Variants in CA5A observed in about 807,000 individuals in gnomAD.
CA5A encodes the protein carbonic anhydrase 5A, mitochondrial.
A neutral mutation model predicts 37.1 loss-of-function variants in CA5A; 28 were observed. The ratio of observed to expected loss-of-function variants is 0.75; its 90% CI spans 0.56 to 1.03. CA5A has a LOEUF of 1.03. Ranked by LOEUF, CA5A falls within the 50% of genes least tolerant of loss-of-function variation. The pLI is 0.00. For missense variants in CA5A, 444 were observed against 399.9 expected (o/e 1.11, Z -0.94); for synonymous variants, 171 against 158.4 (o/e 1.08, Z -0.60).
In CA5A at chr16:87,911,475, G is replaced by T. The variant is rs2056051815; in HGVS notation, c.341-6571C>A. On this transcript the variant is annotated intron_variant, in intron 2 of 6. Transcript: ENST00000649794. This position sits in a 1 kb window ranked among gnomAD's most constrained non-coding sequence, Gnocchi z 4.6. ...TTTTGGCAGGCACGGGTTGTTTGAA[G>T]GCTTAAAATTAGTACACGAGAAGTT... Among the ~76,000 whole-genome samples the T allele has an allele frequency of 6.6e-6, 1 of 152,176 alleles. No individual in the cohort carries two copies. Among genetic ancestry groups the T allele is most frequent in the African/African-American group, 2.4e-5 (1 of 41,444 alleles).
chr16:87,914,002 TTA>T (rs2056092411), intron 2 of CA5A, among the ~76,000 whole-genome samples: 1 of 152,214 alleles, frequency 6.6e-6, no homozygotes, highest in Non-Finnish European at 1.5e-5. Flanking sequence ...TTGACGTCGC[TTA>T]TTTCCCCGAT....
intron 5 of CA5A, among the ~76,000 whole-genome samples, chr16:87,899,631 C>T (rs1474267135): frequency 6.7e-6 from 1 of 150,016 alleles, no homozygotes; most frequent in African/African-American, 2.4e-5. Flanking sequence ...TCTCAAAGGT[C>T]TAACTCGGCC....
Position 87,901,691 on chromosome 16 carries a change from G to A in CA5A, c.618+221C>T, listed in dbSNP as rs1316074331. Among the ~76,000 whole-genome samples the A allele has an allele frequency of 2.6e-5, 4 of 151,518 alleles. No individual in the cohort carries two copies. In the East Asian group the frequency reaches 7.8e-4, roughly 29 times the overall value. On this transcript the variant is annotated intron_variant, in intron 5 of 6. Transcript: ENST00000649794. ...GCAACCTCCACCTCTGGGTTCAAAC[G>A]ATTCTCCTGCCTCAGCCTCCCGAGT...
intron 1 of CA5A, among the ~76,000 whole-genome samples, chr16:87,929,021 G>A (rs1183990427): frequency 3.3e-5 from 5 of 149,486 alleles, no homozygotes; most frequent in East Asian, 2.0e-4. Flanking sequence ...CACCCGCCTC[G>A]GCCTCCCAAA....
chr16:87,913,940 T>C (rs1411750743), intron 2 of CA5A, among the ~76,000 whole-genome samples: 2 of 152,194 alleles, frequency 1.3e-5, no homozygotes, highest in African/African-American at 2.4e-5. Context: ...GCGTAAGTGA[T>C]GTTCACCACA....
At chr16:87,909,320 G>C (rs1457552362) in intron 2 of CA5A, among the ~76,000 whole-genome samples, 3 of 152,164 alleles carry the variant, frequency 2.0e-5, no homozygotes, top group African/African-American at 7.2e-5. Context: ...CAAGGGACTT[G>C]CTTGAAACGG....
intron 5 of CA5A, among the ~76,000 whole-genome samples, chr16:87,897,299 C>T (rs2055818353): frequency 6.6e-6 from 1 of 152,260 alleles, no homozygotes; most frequent in Admixed American, 6.5e-5. Flanking sequence ...GAGCTTGCGG[C>T]TTGTCCAGGC....
intron 1 of CA5A, among the ~76,000 whole-genome samples, chr16:87,931,389 G>A (rs1278747184): frequency 6.6e-6 from 1 of 152,216 alleles, no homozygotes; most frequent in African/African-American, 2.4e-5. Flanking sequence ...TGGGATTACA[G>A]GCATAAACCA....
In CA5A at chr16:87,927,029, C is replaced by G. The variant is rs2056323337; in HGVS notation, c.143-84G>C. On this transcript the variant is annotated intron_variant, in intron 1 of 6. Transcript: ENST00000649794. ...CGGACAGGGCAGAAACCCGGCCGCACGAGACCCCTCACGTCCTGGCTCATG... is the reference window on the plus strand; with the variant it reads ...CGGACAGGGCAGAAACCCGGCCGCAGGAGACCCCTCACGTCCTGGCTCATG... 10 of 958,288 alleles carry G rather than the reference C, an allele frequency of 1.0e-5. No homozygotes were observed. The South Asian group carries it at 1.5e-4, about 15-fold the overall frequency. The allele number at this position is 958,288 out of a possible 1,614,324, so 59.4% of individuals were successfully genotyped here.
rs140278735 is a variant in CA5A at position 87,910,271 on chromosome 16, G to A, written c.341-5367C>T. On this transcript the variant is annotated intron_variant, in intron 2 of 6. Transcript: ENST00000649794. ...GGCTTGGTGTGTACCAGAGTGCAGC[G>A]GAGGAGCTGGCGTTCGCTGGGCACC... 4.5e-4 allele frequency among the ~76,000 whole-genome samples: 69 copies of A among 152,320 alleles called. No homozygotes were observed. In the South Asian group the frequency reaches 0.01, roughly 22 times the overall value.
At chr16:87,897,538 G>T (rs2055822775) in intron 5 of CA5A, among the ~76,000 whole-genome samples, 1 of 152,202 alleles carries the variant, frequency 6.6e-6, no homozygotes, top group Admixed American at 6.5e-5. Context: ...GGGGGTCCAG[G>T]CTTCCAGGCA....
chr16:87,922,529 G>T (rs1224172936), intron 2 of CA5A, among the ~76,000 whole-genome samples: 1 of 152,246 alleles, frequency 6.6e-6, no homozygotes, highest in Non-Finnish European at 1.5e-5. Flanking sequence ...TTAAAGCACT[G>T]CAGGGATGTC....
chr16:87,915,343 A>T (rs7500700), intron 2 of CA5A, among the ~76,000 whole-genome samples: 28,429 of 151,834 alleles, frequency 0.19, 3,338 homozygotes, highest in East Asian at 0.4. Context: ...TGAAAAAGCG[A>T]TGTACCCACA....
downstream of CA5A, chr16:87,884,261 C>CAAAAAAAAAAAAA (rs969489629): frequency 1.1e-4 from 3 of 26,778 alleles, no homozygotes; most frequent in Non-Finnish European, 1.6e-4. Flanking sequence ...ACTAAAAATG[C>CAAAAAAAAAAAAA]AAAAAAAAAA....
intron 2 of CA5A, among the ~76,000 whole-genome samples, chr16:87,919,906 G>A (rs936325225): frequency 3.9e-5 from 6 of 152,116 alleles, no homozygotes; most frequent in South Asian, 2.1e-4. Context: ...GAACTCGGCC[G>A]TGCAGGAGTA....
At position 87,924,633 on chromosome 16, in the gene CA5A, C is replaced by A. The variant is rs1374945209; in HGVS notation, c.340+2115G>T. Among the ~76,000 whole-genome samples the A allele has an allele frequency of 3.3e-5, 5 of 152,378 alleles. No individual in the cohort carries two copies. The East Asian group carries it at 7.7e-4, about 23-fold the overall frequency. ...GATTTAAGTGGCTGAAATGCAAGCA[C>A]CATGTCATGACGAAGCTGGGACGCA... On this transcript the variant is annotated intron_variant, in intron 2 of 6. Coordinates refer to ENST00000649794, the MANE Select transcript of CA5A (RefSeq NM_001739.2).
At chr16:87,893,091 G>A (rs1241500966) in intron 5 of CA5A, 4 of 719,808 alleles carry the variant, frequency 5.6e-6, no homozygotes, top group East Asian at 5.6e-5. Context: ...CTGCCTGAAG[G>A]AACAGTTTGC....
chr16:87,928,331 CT>C (rs1458402929), intron 1 of CA5A, among the ~76,000 whole-genome samples: 15 of 152,156 alleles, frequency 9.9e-5, no homozygotes, highest in Non-Finnish European at 1.9e-4. Context: ...GCCTGGCTAA[CT>C]TTTTCATTTT....
chr16:87,900,669 G>T (rs149329494), intron 5 of CA5A, among the ~76,000 whole-genome samples: 3 of 152,206 alleles, frequency 2.0e-5, no homozygotes, highest in Non-Finnish European at 1.5e-5. Flanking sequence ...CCATCTTTTC[G>T]AGCTGCGCTG....
Sources: gnomAD v4.1 joint callset for allele counts (sites outside exome capture counted in the v4.1 genomes callset) on GRCh38, gnomAD v4.1.1 for gene constraint, Gnocchi (gnomAD v3.1) non-coding constraint, MANE v1.5 for transcripts, NCBI Gene and HGNC (gene_info 2026-07-23, HGNC 2026-07-21) for gene names.